PECAM1: variants seen among roughly 807,000 people sequenced by gnomAD.
PECAM1 encodes platelet endothelial cell adhesion molecule.
PECAM1 carries 8 observed loss-of-function variants against 13.8 expected under a neutral mutation model. The observed-to-expected ratio is 0.58, with a 90% CI of 0.34 to 1.05. The LOEUF (loss-of-function observed/expected upper bound fraction) is 1.05. Ranked by LOEUF, PECAM1 falls within the 50% of genes least tolerant of loss-of-function variation. The probability of loss-of-function intolerance (pLI) is 0.03; values close to 1 mark genes in which losing one functional copy is unlikely to be tolerated. For synonymous variants in PECAM1, 136 were observed against 52.6 expected (o/e 2.58, Z -6.86); for missense variants, 304 against 141.2 (o/e 2.15, Z -5.84).
chr17:64,387,724 G>A (rs1224971662), intron 2 of PECAM1, among the ~76,000 whole-genome samples: 1 of 152,166 alleles, frequency 6.6e-6, no homozygotes, highest in East Asian at 1.9e-4. Flanking sequence ...GGGAAGTTGA[G>A]GGAGTTCCCT....
At chr17:64,352,724 G>T (rs1316146332) in intron 10 of PECAM1, among the ~76,000 whole-genome samples, 1 of 151,846 alleles carries the variant, frequency 6.6e-6, no homozygotes, top group Non-Finnish European at 1.5e-5. Context: ...GTGCAATCTC[G>T]GATCACTGCA....
intron 14 of PECAM1, among the ~76,000 whole-genome samples, chr17:64,334,510 C>A (rs2035215876): frequency 6.6e-6 from 1 of 151,932 alleles, no homozygotes; most frequent in Non-Finnish European, 1.5e-5. Flanking sequence ...CCACACTGGG[C>A]CCCAATTTTT....
intron 10 of PECAM1, among the ~76,000 whole-genome samples, chr17:64,352,696 C>G (rs1196618005): frequency 1.3e-5 from 2 of 151,922 alleles, no homozygotes; most frequent in African/African-American, 4.8e-5. Context: ...GCTCTGTCAC[C>G]CAGGCTGGAG....
At chr17:64,360,582 C>CTGTGTGTG (rs10589772) in intron 6 of PECAM1, among the ~76,000 whole-genome samples, 167 bp from the exon 7 acceptor site, 37,194 of 138,966 alleles carry the variant, frequency 0.27, 5,422 homozygotes, top group East Asian at 0.46. Context: ...GACTGACAGG[C>CTGTGTGTG]TGTGTGTGTG....
At chr17:64,378,784 C>G (rs1024745938) in intron 2 of PECAM1, 36 of 152,360 alleles carry the variant, frequency 2.4e-4, no homozygotes, top group African/African-American at 8.4e-4. Context: ...ACTCTCTGAG[C>G]TCAGTTTCCT....
intron 14 of PECAM1, among the ~76,000 whole-genome samples, chr17:64,332,568 G>A (rs1285711363): frequency 2.0e-5 from 3 of 152,196 alleles, no homozygotes. Flanking sequence ...CATCTTGCAC[G>A]CTGAAGTAGG....
rs567141498 is a variant in PECAM1 at position 64,321,228 on chromosome 17, A to G, written c.*2588T>C. The G allele has an allele frequency of 1.2e-3, 185 of 153,816 alleles. No homozygotes were observed. Among genetic ancestry groups the G allele is most frequent in the African/African-American group, 4.2e-3 (175 of 41,582 alleles). 9.5% of individuals were successfully genotyped at this position (153,816 alleles called of 1,614,324 possible). A position where few individuals can be genotyped will look rare whatever the true frequency, so the allele number is the denominator to read the frequency against. On this transcript the variant is annotated 3_prime_UTR_variant, in exon 16 of 16. Coordinates refer to ENST00000563924, the MANE Select transcript of PECAM1 (RefSeq NM_000442.5). ...CTTCAGTGACCGATTACCACATGAG[A>G]ACACAAGAGGGCGCTCTAACTAATG...
At chr17:64,359,754 C>T (rs1421742375) in intron 7 of PECAM1, among the ~76,000 whole-genome samples, 1 of 71,444 alleles carries the variant, frequency 1.4e-5, no homozygotes, top group Non-Finnish European at 4.2e-5. Flanking sequence ...CACTACTTCT[C>T]TCGCTTTTTT....
intron 13 of PECAM1, among the ~76,000 whole-genome samples, chr17:64,344,254 T>C (rs992097081): frequency 4.6e-5 from 7 of 151,868 alleles, no homozygotes; most frequent in African/African-American, 7.3e-5. Flanking sequence ...AGTTAAGTGA[T>C]GGGTGGGCAG....
Position 64,353,482 on chromosome 17 carries a change from T to C in PECAM1, c.1916+9A>G. The C allele has an allele frequency of 2.1e-6, 1 of 470,614 alleles. No individual in the cohort carries two copies. The highest frequency in any genetic ancestry group is 3.9e-6 in the Non-Finnish European group (1 of 257,154). The allele number at this position is 470,614 out of a possible 1,614,324, so 29.2% of individuals were successfully genotyped here. A position where few individuals can be genotyped will look rare whatever the true frequency, so the allele number is the denominator to read the frequency against. ...AGAGCAGCCGCCCCCTTCTTACAAATACACTCACCTGGACATTTCCACTGG... is the reference window on the plus strand; with the variant it reads ...AGAGCAGCCGCCCCCTTCTTACAAACACACTCACCTGGACATTTCCACTGG... On this transcript the variant is annotated intron_variant, in intron 10 of 15. Transcript: ENST00000563924.
chr17:64,326,902 C>G (rs1480457868), intron 15 of PECAM1, among the ~76,000 whole-genome samples: 1 of 152,228 alleles, frequency 6.6e-6, no homozygotes, highest in Non-Finnish European at 1.5e-5. Flanking sequence ...CCTGGGATCT[C>G]TAGTTCCTGC....
At chr17:64,331,900 AG>A (rs1486532540) in intron 14 of PECAM1, among the ~76,000 whole-genome samples, 1 of 152,192 alleles carries the variant, frequency 6.6e-6, no homozygotes, top group African/African-American at 2.4e-5. Flanking sequence ...GAATGGTGGG[AG>A]GGCCATAAGT....
At chr17:64,365,387 G>C (rs1361344760) in intron 5 of PECAM1, among the ~76,000 whole-genome samples, 1 of 151,510 alleles carries the variant, frequency 6.6e-6, no homozygotes, top group Non-Finnish European at 1.5e-5. Flanking sequence ...CGTGAAAATG[G>C]CCATACTGCC....
At chr17:64,333,337 G>A (rs1555647157) in intron 14 of PECAM1, among the ~76,000 whole-genome samples, 1 of 152,254 alleles carries the variant, frequency 6.6e-6, no homozygotes, top group African/African-American at 2.4e-5. Context: ...CAGAGGGCAG[G>A]CAAAAGCTGG....
intron 5 of PECAM1, among the ~76,000 whole-genome samples, chr17:64,364,546 G>A (rs1324388414): frequency 6.6e-6 from 1 of 151,822 alleles, no homozygotes; most frequent in Non-Finnish European, 1.5e-5. Flanking sequence ...CAATATCCTT[G>A]ATGAACATTG....
At chr17:64,390,429 C>G in intron 2 of PECAM1, 60 bp downstream of exon 2, 1 of 457,512 alleles carries the variant, frequency 2.2e-6, no homozygotes, top group Non-Finnish European at 4.0e-6. Flanking sequence ...TTAGGCATCA[C>G]AGAAGAGAAA....
At chr17:64,324,853 TGGTTGCTAGG>T (rs1362459109) in intron 15 of PECAM1, among the ~76,000 whole-genome samples, 29 of 152,254 alleles carry the variant, frequency 1.9e-4, no homozygotes, top group African/African-American at 6.7e-4. Context: ...AAGTAGACAG[TGGTTGCTAGG>T]GGTTGCTGGA....
At chr17:64,384,140 A>C (rs1016856720) in intron 2 of PECAM1, among the ~76,000 whole-genome samples, 1 of 152,172 alleles carries the variant, frequency 6.6e-6, no homozygotes, top group African/African-American at 2.4e-5. Context: ...TCAGAAAATA[A>C]ATAAATTAAC....
chr17:64,390,801 G>A lies in PECAM1; in HGVS notation c.-136C>T. 1 of 398,072 alleles carries A rather than the reference G, an allele frequency of 2.5e-6. No individual in the cohort carries two copies. 24.7% of individuals were successfully genotyped at this position (398,072 alleles called of 1,614,324 possible). A position where few individuals can be genotyped will look rare whatever the true frequency, so the allele number is the denominator to read the frequency against. The stretch of plus-strand genomic sequence containing the variant: ...GAAATTGCTCTGGTCACTTCTCCCG[G>A]CGCCTGCAGAGAGACCGGCTGTGGC... On this transcript the variant is annotated 5_prime_UTR_variant, in exon 1 of 16. Coordinates refer to ENST00000563924, the MANE Select transcript of PECAM1 (RefSeq NM_000442.5).
Sources: allele counts gnomAD v4.1 joint callset (sites outside exome capture counted in the v4.1 genomes callset), GRCh38; gene constraint gnomAD v4.1.1; transcripts MANE v1.5; gene names NCBI Gene and HGNC (gene_info 2026-07-23, HGNC 2026-07-21).